HMBOX1: variants seen among roughly 807,000 people sequenced by gnomAD.
The protein encoded by HMBOX1 is homeobox-containing protein 1.
In HMBOX1, 14 loss-of-function variants were observed where a neutral mutation model predicts 54.5. That is an observed-to-expected ratio of 0.26 (90% CI 0.17 to 0.40). HMBOX1 has a LOEUF of 0.40. HMBOX1 is among the 10% of genes least tolerant of loss of function. HMBOX1 has a pLI of 1.00. For missense variants in HMBOX1, 332 were observed against 514.4 expected (o/e 0.65, Z 3.43); for synonymous variants, 160 against 181.0 (o/e 0.88, Z 0.93).
intron 6 of HMBOX1, among the ~76,000 whole-genome samples, chr8:29,028,387 A>G (rs185891513): frequency 6.6e-6 from 1 of 152,324 alleles, no homozygotes; most frequent in East Asian, 1.9e-4. Context: ...GAGAACTAGC[A>G]TGGAAGAGAC....
At chr8:28,969,590 T>C (rs1480975186) in intron 2 of HMBOX1, among the ~76,000 whole-genome samples, 1 of 152,196 alleles carries the variant, frequency 6.6e-6, no homozygotes, top group African/African-American at 2.4e-5. Flanking sequence ...CCTAGGTCTG[T>C]TTAGCTAATA....
chr8:28,946,843 A>G (rs1226839501), intron 1 of HMBOX1, among the ~76,000 whole-genome samples: 6 of 152,230 alleles, frequency 3.9e-5, no homozygotes, highest in Non-Finnish European at 7.3e-5. Context: ...ATAAATAACA[A>G]ATATTAACAC....
intron 3 of HMBOX1, among the ~76,000 whole-genome samples, chr8:28,978,122 T>G (rs1828739584): frequency 6.6e-6 from 1 of 152,212 alleles, no homozygotes; most frequent in Non-Finnish European, 1.5e-5. Flanking sequence ...AGCAGTATAC[T>G]GTAGAGCTAC....
intron 1 of HMBOX1, among the ~76,000 whole-genome samples, chr8:28,927,296 T>C (rs188516728): frequency 6.6e-6 from 1 of 152,246 alleles, no homozygotes; most frequent in East Asian, 1.9e-4. Context: ...AAGAAAAATA[T>C]ATATTTTAAA....
At chr8:28,959,583 G>A (rs967431106) in intron 1 of HMBOX1, among the ~76,000 whole-genome samples, 1 of 152,128 alleles carries the variant, frequency 6.6e-6, no homozygotes, top group African/African-American at 2.4e-5. Context: ...ATAGTCTAAT[G>A]TGAGTTTTTA....
chr8:29,050,733 G>A, intron 9 of HMBOX1: 1 of 393,890 alleles, frequency 2.5e-6, no homozygotes, highest in Non-Finnish European at 4.6e-6. Flanking sequence ...CTGCAGGTTT[G>A]ATCATCATCA....
At chr8:28,906,992 AT>A (rs761005803) in intron 1 of HMBOX1, among the ~76,000 whole-genome samples, 1 of 152,250 alleles carries the variant, frequency 6.6e-6, no homozygotes, top group East Asian at 1.9e-4. Flanking sequence ...TATCAAAATT[AT>A]TGAAAATGTT....
At chr8:28,983,649 T>A (rs1301134589) in intron 4 of HMBOX1, among the ~76,000 whole-genome samples, 1 of 152,224 alleles carries the variant, frequency 6.6e-6, no homozygotes, top group African/African-American at 2.4e-5. Context: ...GAACTTTCCA[T>A]GTTTACCTAG....
In HMBOX1 at chr8:28,932,017, A is replaced by C. The variant is rs73669461; in HGVS notation, c.-57-31794A>C. 1.8e-3 allele frequency among the ~76,000 whole-genome samples: 272 copies of C among 152,378 alleles called. 1 individual carries two copies. Among genetic ancestry groups the C allele is most frequent in the African/African-American group, 6.4e-3 (267 of 41,590 alleles). On this transcript the variant is annotated intron_variant, in intron 1 of 9. Coordinates refer to ENST00000287701, the MANE Select transcript of HMBOX1 (RefSeq NM_001135726.3). ...AGATAGTAGTAAGTGCTAGAAGCAT[A>C]TAAGTCAGGGTTATGATAGTATTTT...
intron 1 of HMBOX1, among the ~76,000 whole-genome samples, chr8:28,898,561 GTC>G (rs749300761): frequency 1.3e-5 from 2 of 152,200 alleles, no homozygotes; most frequent in African/African-American, 2.4e-5. Context: ...TGAGAAGCTA[GTC>G]TCTCAAGCTC....
chr8:28,981,895 A>G (rs1283052491), intron 4 of HMBOX1, among the ~76,000 whole-genome samples: 1 of 152,200 alleles, frequency 6.6e-6, no homozygotes, highest in Non-Finnish European at 1.5e-5. Context: ...AATATAGTAC[A>G]TGGAACAGCA....
intron 4 of HMBOX1, among the ~76,000 whole-genome samples, chr8:28,982,032 TCAAGAC>T (rs1256438432): frequency 1.3e-5 from 2 of 151,914 alleles, no homozygotes; most frequent in East Asian, 3.9e-4. Flanking sequence ...GGTCAGGAGA[TCAAGAC>T]CATCCTGGCT....
intron 1 of HMBOX1, among the ~76,000 whole-genome samples, chr8:28,925,003 T>G (rs1818202715): frequency 6.6e-6 from 1 of 151,116 alleles, no homozygotes. Flanking sequence ...TTATCTTTCC[T>G]ATTAGTGATT....
In HMBOX1 at chr8:29,030,824, A is replaced by G. The variant is rs563984870; in HGVS notation, c.851+11911A>G. 2.6e-5 allele frequency among the ~76,000 whole-genome samples: 4 copies of G among 152,324 alleles called. No homozygotes were observed. In the South Asian group the frequency reaches 8.3e-4, roughly 32 times the overall value. ...TCTTCAGGACTGTGTTTTAATGCAT[A>G]TTCTCATGATCTATCTTAATACTTT... On this transcript the variant is annotated intron_variant, in intron 6 of 9. Coordinates refer to ENST00000287701, the MANE Select transcript of HMBOX1 (RefSeq NM_001135726.3).
intron 1 of HMBOX1, among the ~76,000 whole-genome samples, chr8:28,958,724 C>G (rs1824925990): frequency 6.6e-6 from 1 of 152,060 alleles, no homozygotes; most frequent in African/African-American, 2.4e-5. Context: ...ATTTGAAATG[C>G]TTTTAGTGTT....
chr8:28,904,530 C>G (rs1201074688), intron 1 of HMBOX1, among the ~76,000 whole-genome samples: 1 of 152,026 alleles, frequency 6.6e-6, no homozygotes, highest in African/African-American at 2.4e-5. Flanking sequence ...TGTGCCCAGC[C>G]CATTTCTCCC....
chr8:28,953,488 G>T (rs890868708), intron 1 of HMBOX1, among the ~76,000 whole-genome samples: 1 of 151,960 alleles, frequency 6.6e-6, no homozygotes, highest in Admixed American at 6.5e-5. Context: ...TTAACTTCTC[G>T]ATGAGTCACT....
At position 29,030,008 on chromosome 8, in the gene HMBOX1, T is replaced by C. The variant is rs140968413; in HGVS notation, c.851+11095T>C. 6.5e-3 allele frequency among the ~76,000 whole-genome samples: 992 copies of C among 152,166 alleles called. 14 individuals are homozygous for C. The highest frequency in any genetic ancestry group is 0.022 in the African/African-American group (933 of 41,552). ...TCCTCTTCCTTACCTTCTGGTACTT[T>C]AGTTTGCCAAAAAGACTTCTGTTTA... is the stretch of plus-strand genomic sequence containing the variant. On this transcript the variant is annotated intron_variant, in intron 6 of 9. Transcript: ENST00000287701.
At chr8:28,977,652 T>C (rs1474174805) in intron 3 of HMBOX1, among the ~76,000 whole-genome samples, 1 of 152,138 alleles carries the variant, frequency 6.6e-6, no homozygotes, top group African/African-American at 2.4e-5. Flanking sequence ...GTCAAAGAAA[T>C]ATTTCAGGCC....
Sources: gnomAD v4.1 joint callset for allele counts (sites outside exome capture counted in the v4.1 genomes callset) on GRCh38, gnomAD v4.1.1 for gene constraint, MANE v1.5 for transcripts, NCBI Gene and HGNC (gene_info 2026-07-23, HGNC 2026-07-21) for gene names.